The following MBD5 variants were observed in gnomAD, a reference collection of about 807,000 sequenced individuals.
The protein encoded by MBD5 is methyl-CpG binding domain protein 5, also known as methyl-CpG-binding domain protein 5.
MBD5 carries 13 observed loss-of-function variants against 117.3 expected under a neutral mutation model. That is an observed-to-expected ratio of 0.11 (90% CI 0.07 to 0.18). MBD5 has a LOEUF of 0.18. MBD5 is among the 10% of genes least tolerant of loss of function. The probability of loss-of-function intolerance (pLI) is 1.00; values close to 1 mark genes in which losing one functional copy is unlikely to be tolerated. For synonymous variants in MBD5, 727 were observed against 766.4 expected, an observed-to-expected ratio of 0.95 and a Z score of 0.85; for missense variants, 1,879 against 2,093.8, an observed-to-expected ratio of 0.90 and a Z score of 2.00.
intron 5 of MBD5, among the ~76,000 whole-genome samples, chr2:148,461,818 C>G (rs1268008830): frequency 6.6e-6 from 1 of 152,174 alleles, no homozygotes; most frequent in East Asian, 1.9e-4. Flanking sequence ...ATTCACATAT[C>G]TTACTGACTT....
chr2:148,507,167 T>A (rs1682058357), intron 12 of MBD5, among the ~76,000 whole-genome samples: 1 of 152,222 alleles, frequency 6.6e-6, no homozygotes, highest in Non-Finnish European at 1.5e-5. Flanking sequence ...ATTTTAAATA[T>A]CTTGAAGAAT....
intron 1 of MBD5, among the ~76,000 whole-genome samples, chr2:148,029,675 A>G (rs1314196741): frequency 6.6e-6 from 1 of 152,182 alleles, no homozygotes; most frequent in Non-Finnish European, 1.5e-5. Flanking sequence ...CCAGTCAGAA[A>G]AGGATTTGAA....
chr2:148,403,860 G>A (rs938680978), intron 4 of MBD5, among the ~76,000 whole-genome samples: 2 of 152,064 alleles, frequency 1.3e-5, no homozygotes, highest in African/African-American at 4.8e-5. Context: ...GATCACTTAT[G>A]TTACCCACCT....
chr2:148,483,059 A>G (rs1275045232), intron 8 of MBD5, 51 bp from the exon 9 acceptor site: 1 of 1,584,688 alleles, frequency 6.3e-7, no homozygotes, highest in Admixed American at 1.7e-5. Flanking sequence ...AGTCTCACAT[A>G]ACATTCATGA....
chr2:148,458,014 A>C (rs1559080186), intron 4 of MBD5, among the ~76,000 whole-genome samples, 189 bp from the exon 5 acceptor site: 2 of 152,174 alleles, frequency 1.3e-5, no homozygotes, highest in Non-Finnish European at 2.9e-5. Flanking sequence ...AAGAGCAAGT[A>C]GATTAGTTTA....
intron 3 of MBD5, among the ~76,000 whole-genome samples, chr2:148,258,733 T>G (rs542771919): frequency 6.6e-6 from 1 of 152,360 alleles, no homozygotes; most frequent in South Asian, 2.1e-4. Flanking sequence ...GGCTGCTTAT[T>G]GATTTTCTCT....
intron 3 of MBD5, among the ~76,000 whole-genome samples, chr2:148,310,684 G>C (rs1331886577): frequency 6.6e-6 from 1 of 151,922 alleles, no homozygotes; most frequent in African/African-American, 2.4e-5. Flanking sequence ...CTTGTCTTCT[G>C]CTAGCTTTTG....
intron 1 of MBD5, among the ~76,000 whole-genome samples, chr2:148,066,147 T>C (rs1278201846): frequency 1.3e-5 from 2 of 152,098 alleles, no homozygotes; most frequent in East Asian, 3.9e-4. Context: ...AAAAATTTTT[T>C]TTAAAAAAAT....
At chr2:148,098,452 T>A (rs1359213227) in intron 1 of MBD5, among the ~76,000 whole-genome samples, 1 of 152,114 alleles carries the variant, frequency 6.6e-6, no homozygotes, top group Non-Finnish European at 1.5e-5. Context: ...TTTCAGCATA[T>A]AGATCCATGC....
chr2:148,258,053 G>C (rs1042925729), intron 3 of MBD5, among the ~76,000 whole-genome samples: 6 of 152,130 alleles, frequency 3.9e-5, no homozygotes, highest in African/African-American at 1.4e-4. Context: ...ACCTCTTCCA[G>C]CTTTTTGTCT....
chr2:148,278,464 TG>T (rs2106370989), intron 3 of MBD5, among the ~76,000 whole-genome samples: 1 of 152,316 alleles, frequency 6.6e-6, no homozygotes, highest in Non-Finnish European at 1.5e-5. Context: ...TGTATGTGTA[TG>T]TGAAAGTCTC....
intron 3 of MBD5, among the ~76,000 whole-genome samples, chr2:148,317,058 C>G (rs1010316493): frequency 6.6e-6 from 1 of 152,020 alleles, no homozygotes; most frequent in Non-Finnish European, 1.5e-5. Flanking sequence ...AATATTATCC[C>G]AAAACTCCAG....
At chr2:148,372,372 G>A (rs143516816) in intron 4 of MBD5, among the ~76,000 whole-genome samples, 3 of 151,926 alleles carry the variant, frequency 2.0e-5, no homozygotes, top group African/African-American at 7.2e-5. Context: ...TGATTGTTGG[G>A]CTCTTTATTG....
intron 2 of MBD5, among the ~76,000 whole-genome samples, chr2:148,180,691 C>A (rs553764043): frequency 1.3e-4 from 19 of 151,896 alleles, no homozygotes; most frequent in South Asian, 2.1e-4. Flanking sequence ...CCACCTCGCC[C>A]GGCATCTTTT....
At position 148,470,432 on chromosome 2, in the gene MBD5, G is replaced by A; in HGVS notation, c.2489G>A (p.Ser830Asn). ...CCAGTGATACCAAACAGCATTGTTAGCAGCTATAATCAAACAAGTTCTGAA... is the reference window on the plus strand; with the variant it reads ...CCAGTGATACCAAACAGCATTGTTAACAGCTATAATCAAACAAGTTCTGAA... ...STPVIPNSIV[S>N]SYNQTSSEAG... The change falls in exon 8 of 14, where the codon AGC becomes AAC. Residue 830 changes from serine (S) to asparagine (N), a missense_variant. By Grantham distance (46) the Ser-to-Asn change is conservative (BLOSUM62 1). Transcript: ENST00000642680. The A allele has an allele frequency of 6.2e-7, 1 of 1,609,122 alleles. No homozygotes were observed. Among genetic ancestry groups the A allele is most frequent in the Non-Finnish European group, 8.5e-7 (1 of 1,176,964 alleles).
At chr2:148,044,179 T>C (rs1489750927) in intron 1 of MBD5, among the ~76,000 whole-genome samples, 1 of 152,220 alleles carries the variant, frequency 6.6e-6, no homozygotes, top group East Asian at 1.9e-4. Flanking sequence ...GAAAATAATA[T>C]GCAAAATTTG....
chr2:148,292,565 T>C (rs186584734), intron 3 of MBD5, among the ~76,000 whole-genome samples: 1 of 152,252 alleles, frequency 6.6e-6, no homozygotes, highest in East Asian at 1.9e-4. Context: ...AGATAGGTAA[T>C]AACAAATGCT....
intron 3 of MBD5, among the ~76,000 whole-genome samples, chr2:148,261,629 A>C (rs915172364): frequency 6.6e-6 from 1 of 152,226 alleles, no homozygotes; most frequent in Admixed American, 6.5e-5. Context: ...TTATCAGCAA[A>C]AACGCTATTT....
chr2:148,157,696 T>C (rs1488743322), intron 1 of MBD5, among the ~76,000 whole-genome samples: 1 of 152,208 alleles, frequency 6.6e-6, no homozygotes, highest in Non-Finnish European at 1.5e-5. Context: ...ATCACTGAAA[T>C]TGAAGAACTA....
Sources: gnomAD v4.1 joint callset for allele counts (sites outside exome capture counted in the v4.1 genomes callset) on GRCh38, gnomAD v4.1.1 for gene constraint, MANE v1.5 for transcripts, NCBI Gene and HGNC (gene_info 2026-07-23, HGNC 2026-07-21) for gene names.